The following RBMS2 variants were observed in gnomAD, a reference collection of about 807,000 sequenced individuals.
RBMS2 encodes RNA binding motif single stranded interacting protein 2, also known as RNA-binding motif, single-stranded-interacting protein 2.
In RBMS2, 38 loss-of-function variants were observed where a neutral mutation model predicts 58.4. The ratio of observed to expected loss-of-function variants is 0.65; its 90% CI spans 0.50 to 0.85. The LOEUF is 0.85. RBMS2 is among the 40% of genes least tolerant of loss of function. The pLI is 0.00. For synonymous variants in RBMS2, 151 were observed against 180.7 expected, an observed-to-expected ratio of 0.84 and a Z score of 1.32; for missense variants, 367 against 503.7, an observed-to-expected ratio of 0.73 and a Z score of 2.60.
intron 2 of RBMS2, among the ~76,000 whole-genome samples, chr12:56,563,983 C>G (rs2136430174): frequency 6.6e-6 from 1 of 152,022 alleles, no homozygotes; most frequent in South Asian, 2.1e-4. Flanking sequence ...AATTTTGTTT[C>G]TTGTACTAAA....
intron 1 of RBMS2, among the ~76,000 whole-genome samples, chr12:56,525,612 C>T (rs182941679): frequency 7.2e-5 from 11 of 151,972 alleles, no homozygotes. Context: ...CAATCTCCAA[C>T]CCCTGGGCTT....
intron 1 of RBMS2, among the ~76,000 whole-genome samples, chr12:56,556,710 A>G (rs1305419624): frequency 6.6e-6 from 1 of 152,140 alleles, no homozygotes; most frequent in Non-Finnish European, 1.5e-5. Context: ...CTGAGAACTA[A>G]TACTAACCAC....
At chr12:56,539,765 G>A (rs770602231) in intron 1 of RBMS2, 3 of 436,088 alleles carry the variant, frequency 6.9e-6, no homozygotes, top group East Asian at 1.5e-4. Context: ...TGCCTCCCAG[G>A]TTCAAGTGAT....
intron 1 of RBMS2, among the ~76,000 whole-genome samples, chr12:56,527,568 C>T (rs749836254): frequency 1.3e-5 from 2 of 151,932 alleles, no homozygotes; most frequent in Non-Finnish European, 1.5e-5. Flanking sequence ...GCCGAGATCG[C>T]GCCATTGCAC....
In RBMS2 at chr12:56,583,526, C is replaced by T. The variant is rs555036336; in HGVS notation, c.873+1374C>T. 5.9e-5 allele frequency among the ~76,000 whole-genome samples: 9 copies of T among 152,082 alleles called. No homozygotes were observed. The East Asian group carries it at 7.7e-4, about 13-fold the overall frequency. On this transcript the variant is annotated intron_variant, in intron 9 of 13. Coordinates refer to ENST00000262031, the MANE Select transcript of RBMS2 (RefSeq NM_002898.4). ...GAAATTAGCTGGGCATGGTGGCGGG[C>T]GCCTGTAATCCCAGCTACTTGGGAG...
chr12:56,585,501 T>A (rs1229236437), intron 9 of RBMS2, among the ~76,000 whole-genome samples: 1 of 152,234 alleles, frequency 6.6e-6, no homozygotes, highest in Non-Finnish European at 1.5e-5. Context: ...TATGATTTTT[T>A]TGCGTCTGGC....
chr12:56,589,454 A>AGG lies in RBMS2; in HGVS notation c.*322_*323insGG. 1 of 403,536 alleles carries AGG rather than the reference A, an allele frequency of 2.5e-6. No homozygotes were observed. Among genetic ancestry groups the AGG allele is most frequent in the Non-Finnish European group, 3.8e-6 (1 of 261,370 alleles). 25.0% of individuals were successfully genotyped at this position (403,536 alleles called of 1,614,324 possible). A position where few individuals can be genotyped will look rare whatever the true frequency, so the allele number is the denominator to read the frequency against. ...AACGTACTTTTCCCCTACCTTGAAG[A>AGG]GACATGGTGGTCGCAGCTTCTCATC... On this transcript the variant is annotated 3_prime_UTR_variant, in exon 14 of 14. Transcript: ENST00000262031.
intron 1 of RBMS2, among the ~76,000 whole-genome samples, chr12:56,529,177 C>G (rs1023141760): frequency 6.6e-6 from 1 of 152,076 alleles, no homozygotes; most frequent in Non-Finnish European, 1.5e-5. Flanking sequence ...TGGAAACAAC[C>G]CAAATGTCCA....
At chr12:56,521,427 C>CAAAAA (rs35413431), upstream of RBMS2, among the ~76,000 whole-genome samples, 110 of 91,260 alleles carry the variant, frequency 1.2e-3, no homozygotes, top group East Asian at 0.018. Context: ...AACTCTGTCT[C>CAAAAA]AAAAAAAAAA....
intron 5 of RBMS2, among the ~76,000 whole-genome samples, chr12:56,580,533 G>C (rs1227020435): frequency 1.3e-5 from 2 of 151,128 alleles, no homozygotes; most frequent in East Asian, 3.9e-4. Context: ...GCACCCGGCG[G>C]ATCAGAGGGT....
chr12:56,575,517 C>T (rs962522001), intron 5 of RBMS2, among the ~76,000 whole-genome samples: 2 of 151,780 alleles, frequency 1.3e-5, no homozygotes, highest in Non-Finnish European at 2.9e-5. Flanking sequence ...AGCTATGGGC[C>T]CATAGGACCC....
At chr12:56,542,958 T>C (rs1876416722) in intron 1 of RBMS2, among the ~76,000 whole-genome samples, 1 of 152,056 alleles carries the variant, frequency 6.6e-6, no homozygotes, top group African/African-American at 2.4e-5. Context: ...CAGGCTGGGG[T>C]GCAATGATAC....
In RBMS2 at chr12:56,581,454, G is replaced by A. The variant is rs1883938122; in HGVS notation, c.678G>A (p.Gln226=). 1.2e-6 allele frequency: 2 copies of A among 1,614,232 alleles called. No individual in the cohort carries two copies. Among genetic ancestry groups the A allele is most frequent in the East Asian group, 2.2e-5 (1 of 44,890 alleles). Residue 226 remains glutamine, a synonymous_variant, in exon 7 of 14, where the codon CAG becomes CAA. Transcript: ENST00000262031. ...CTGATGGCGGGCCAAAGAAACGACAGAACCAAGGAAAATTTGTGCAAAATG... is the reference window on the plus strand; with the variant it reads ...CTGATGGCGGGCCAAAGAAACGACAAAACCAAGGAAAATTTGTGCAAAATG... The part of the protein sequence containing the change: ...KFADGGPKKR[Q]NQGKFVQNGR...
At chr12:56,561,776 C>G (rs1016431508) in intron 1 of RBMS2, among the ~76,000 whole-genome samples, 2 of 150,762 alleles carry the variant, frequency 1.3e-5, no homozygotes, top group African/African-American at 4.9e-5. Flanking sequence ...CCTCCTTGGC[C>G]TCCCAAAGTG....
chr12:56,558,459 C>A (rs183497221), intron 1 of RBMS2, among the ~76,000 whole-genome samples: 1 of 150,508 alleles, frequency 6.6e-6, no homozygotes. Flanking sequence ...GATAGATGAA[C>A]GCCAACTGAG....
At chr12:56,553,237 A>G (rs1313687091) in intron 1 of RBMS2, among the ~76,000 whole-genome samples, 1 of 150,912 alleles carries the variant, frequency 6.6e-6, no homozygotes, top group African/African-American at 2.4e-5. Flanking sequence ...TTTGAGACAG[A>G]GTATCACTCT....
rs950430087 is a variant in RBMS2, at chr12:56,540,253, C to A, written c.66+18164C>A. 2.0e-5 allele frequency among the ~76,000 whole-genome samples: 3 copies of A among 152,142 alleles called. No individual in the cohort carries two copies. In the East Asian group the frequency reaches 5.8e-4, roughly 29 times the overall value. On this transcript the variant is annotated intron_variant, in intron 1 of 13. Coordinates refer to ENST00000262031, the MANE Select transcript of RBMS2 (RefSeq NM_002898.4). ...GTAGTACCTAGTACTCTAAAGTGGG[C>A]ATTGAATATTTATTGAATGAATAGA...
intron 13 of RBMS2, 40 bp from the exon 14 acceptor site, chr12:56,589,100 A>C: frequency 1.1e-4 from 176 of 1,599,844 alleles, no homozygotes; most frequent in East Asian, 3.9e-4. Context: ...ACAGGTTCTC[A>C]TGTTTGTCTT....
intron 1 of RBMS2, among the ~76,000 whole-genome samples, chr12:56,560,143 C>T (rs1880122497): frequency 1.3e-5 from 2 of 151,976 alleles, no homozygotes; most frequent in South Asian, 4.2e-4. Context: ...GATCCACCCG[C>T]CTCGGCCTCC....
Sources: gnomAD v4.1 joint callset for allele counts (sites outside exome capture counted in the v4.1 genomes callset) on GRCh38, gnomAD v4.1.1 for gene constraint, MANE v1.5 for transcripts, NCBI Gene and HGNC (gene_info 2026-07-23, HGNC 2026-07-21) for gene names.